The following INVS variants were observed in gnomAD, a reference collection of about 807,000 sequenced individuals.
The protein encoded by INVS is inversin, also known as inversion of embryo turning homolog.
A neutral mutation model predicts 108.8 loss-of-function variants in INVS; 86 were observed. That is an observed-to-expected ratio of 0.79 (90% CI 0.66 to 0.95). INVS has a LOEUF of 0.95. Ranked by LOEUF, INVS falls within the 40% of genes least tolerant of loss-of-function variation. The pLI is 0.00. For synonymous variants in INVS, 455 were observed against 473.5 expected (o/e 0.96, Z 0.51); for missense variants, 1,169 against 1,297.4 (o/e 0.90, Z 1.52).
At chr9:100,211,883 A>G (rs1222564188) in intron 3 of INVS, among the ~76,000 whole-genome samples, 1 of 152,224 alleles carries the variant, frequency 6.6e-6, no homozygotes, top group Non-Finnish European at 1.5e-5. Flanking sequence ...TAACTAAAAA[A>G]TATATTTTTA....
At chr9:100,142,645 G>A (rs938879557) in intron 3 of INVS, among the ~76,000 whole-genome samples, 1 of 152,176 alleles carries the variant, frequency 6.6e-6, no homozygotes, top group Admixed American at 6.5e-5. Context: ...GAAGGAGCCA[G>A]GGAGCAGAGA....
intron 13 of INVS, among the ~76,000 whole-genome samples, chr9:100,288,066 G>A (rs180972740): frequency 5.9e-5 from 9 of 152,284 alleles, no homozygotes; most frequent in Admixed American, 2.6e-4. Context: ...AATAGGAGGC[G>A]TATAGCAGCC....
chr9:100,140,147 T>C (rs1013751957), intron 3 of INVS, among the ~76,000 whole-genome samples: 3 of 152,196 alleles, frequency 2.0e-5, no homozygotes, highest in Non-Finnish European at 4.4e-5. Context: ...TTTATAGATA[T>C]TTCATGTAAA....
chr9:100,117,482 C>T (rs764868024), intron 2 of INVS: 6 of 784,370 alleles, frequency 7.6e-6, no homozygotes, highest in African/African-American at 6.7e-5. Context: ...CTTGCCTTCT[C>T]GAGCTCCACG....
At chr9:100,270,748 C>CAAAAAA (rs746291227) in intron 11 of INVS, among the ~76,000 whole-genome samples, 1 of 47,180 alleles carries the variant, frequency 2.1e-5, no homozygotes, top group South Asian at 8.0e-4. Context: ...AACTCCATCT[C>CAAAAAA]AAAAAAAAAA....
chr9:100,266,198 C>T (rs903473081), intron 11 of INVS, among the ~76,000 whole-genome samples: 2 of 152,114 alleles, frequency 1.3e-5, no homozygotes, highest in East Asian at 1.9e-4. Flanking sequence ...CACTTCCATA[C>T]CTGAGGTCCT....
chr9:100,119,703 G>A (rs1418765850), intron 2 of INVS, among the ~76,000 whole-genome samples: 4 of 152,124 alleles, frequency 2.6e-5, no homozygotes, highest in South Asian at 2.1e-4. Context: ...GACTACAGGC[G>A]CCCGCCACCA....
At chr9:100,271,448 T>C (rs1218536163) in intron 11 of INVS, among the ~76,000 whole-genome samples, 2 of 152,256 alleles carry the variant, frequency 1.3e-5, no homozygotes, top group Non-Finnish European at 2.9e-5. Context: ...GCTGTACTTC[T>C]ATGAGTAGCC....
At chr9:100,256,861 G>T (rs547246775) in intron 10 of INVS, among the ~76,000 whole-genome samples, 3 of 152,282 alleles carry the variant, frequency 2.0e-5, no homozygotes, top group Non-Finnish European at 4.4e-5. Context: ...AGTGCAATGT[G>T]GTACTGAGAA....
At chr9:100,117,567 C>T (rs1393580883) in intron 2 of INVS, 13 of 1,061,852 alleles carry the variant, frequency 1.2e-5, no homozygotes, top group Middle Eastern at 2.9e-4. Context: ...CGGAAGCCAC[C>T]GCGGTTCCCC....
chr9:100,211,401 C>A (rs1254465895), intron 3 of INVS, among the ~76,000 whole-genome samples: 1 of 152,090 alleles, frequency 6.6e-6, no homozygotes, highest in Non-Finnish European at 1.5e-5. Flanking sequence ...TCATAATAAT[C>A]TAAATAAAAT....
intron 14 of INVS, among the ~76,000 whole-genome samples, chr9:100,296,057 A>G (rs942155280): frequency 6.6e-6 from 1 of 152,176 alleles, no homozygotes; most frequent in Admixed American, 6.5e-5. Flanking sequence ...CAAGCGCTGC[A>G]AGGAGCTTTT....
At chr9:100,161,697 T>C (rs914427812) in intron 3 of INVS, among the ~76,000 whole-genome samples, 1 of 152,064 alleles carries the variant, frequency 6.6e-6, no homozygotes, top group Non-Finnish European at 1.5e-5. Flanking sequence ...AGGTTAGGAT[T>C]GGATTGCAGG....
At chr9:100,218,515 A>G (rs1831055804) in intron 3 of INVS, among the ~76,000 whole-genome samples, 1 of 152,176 alleles carries the variant, frequency 6.6e-6, no homozygotes, top group Non-Finnish European at 1.5e-5. Flanking sequence ...TTTGGGGAAA[A>G]AATGTAGAGG....
chr9:100,202,652 G>A (rs911567450), intron 3 of INVS, among the ~76,000 whole-genome samples: 2 of 151,930 alleles, frequency 1.3e-5, no homozygotes, highest in Non-Finnish European at 2.9e-5. Flanking sequence ...AGCATTCATA[G>A]ACATTGCTTA....
Position 100,252,954 on chromosome 9 carries a change from C to T in INVS, c.1282C>T (p.His428Tyr). Residue 428 changes from histidine (H) to tyrosine (Y), a missense_variant, in exon 10 of 17, where the codon CAT becomes TAT. His to Tyr is a moderately conservative substitution (Grantham distance 83). Around this residue, in one of 3 missense-constraint regions of INVS, gnomAD observed 271 missense variants for 363.8 expected, o/e 0.74. Coordinates refer to ENST00000262457, the MANE Select transcript of INVS (RefSeq NM_014425.5). ...TGACCAAGATGGACATTCTCTTCTA[C>T]ATTGGGCAGCACTGGGAGGAAATGC... ...LVDQDGHSLLHWAALGGNADV... is the reference protein window; with the variant it reads ...LVDQDGHSLLYWAALGGNADV... 1 of 1,613,928 alleles carries T rather than the reference C, an allele frequency of 6.2e-7. No individual in the cohort carries two copies. The highest frequency in any genetic ancestry group is 1.1e-5 in the South Asian group (1 of 91,078).
chr9:100,122,714 G>A (rs1564122076), intron 2 of INVS, among the ~76,000 whole-genome samples: 1 of 151,044 alleles, frequency 6.6e-6, no homozygotes, highest in East Asian at 2.0e-4. Context: ...CTCCAAGGTG[G>A]CTGGGACTAC....
intron 12 of INVS, among the ~76,000 whole-genome samples, chr9:100,277,254 T>G (rs899751345): frequency 3.3e-5 from 5 of 152,218 alleles, no homozygotes; most frequent in Non-Finnish European, 5.9e-5. Flanking sequence ...AACTTTCAGA[T>G]TTTTAAAAAA....
intron 10 of INVS, among the ~76,000 whole-genome samples, chr9:100,260,577 T>G (rs548781462): frequency 2.6e-5 from 4 of 152,218 alleles, no homozygotes; most frequent in Non-Finnish European, 5.9e-5. Context: ...TTATCATGAA[T>G]GCTTAAAATT....
Sources: gnomAD v4.1 joint callset for allele counts (sites outside exome capture counted in the v4.1 genomes callset) on GRCh38, gnomAD v4.1.1 for gene constraint, gnomAD v4.1.1 regional missense constraint, MANE v1.5 for transcripts, NCBI Gene and HGNC (gene_info 2026-07-23, HGNC 2026-07-21) for gene names.